PCDH15: variants seen among roughly 807,000 people sequenced by gnomAD.
PCDH15 encodes protocadherin-15.
Under a neutral mutation model 178.5 loss-of-function variants are expected in PCDH15, and 129 were observed. The observed-to-expected ratio is 0.72, with a 90% CI of 0.63 to 0.84. PCDH15 has a LOEUF of 0.84. PCDH15 is among the 40% of genes least tolerant of loss of function. The pLI is 0.00. For missense variants in PCDH15, 2,230 were observed against 2,099.9 expected (o/e 1.06, Z -1.21); for synonymous variants, 800 against 732.0 (o/e 1.09, Z -1.50).
At chr10:53,817,526 T>TC (rs2076107349) in intron 34 of PCDH15, among the ~76,000 whole-genome samples, 1 of 149,240 alleles carries the variant, frequency 6.7e-6, no homozygotes, top group Non-Finnish European at 1.5e-5. Flanking sequence ...CTTTTTTTTT[T>TC]CTTTTTTTTT....
At chr10:54,171,211 A>G (rs191480418) in intron 13 of PCDH15, among the ~76,000 whole-genome samples, 5,969 of 151,666 alleles carry the variant, frequency 0.039, 406 homozygotes, top group African/African-American at 0.14. Flanking sequence ...CAGGCTCTTA[A>G]TATTCAGTGA....
At chr10:54,697,798 T>A (rs1591124070) in intron 1 of PCDH15, among the ~76,000 whole-genome samples, 1 of 144,894 alleles carries the variant, frequency 6.9e-6, no homozygotes, top group East Asian at 2.1e-4. Context: ...GGAGGGAGAG[T>A]GAAAAAAAGA....
At chr10:54,018,834 GA>G (rs149313878) in intron 20 of PCDH15, among the ~76,000 whole-genome samples, 7,232 of 152,006 alleles carry the variant, frequency 0.048, 566 homozygotes, top group African/African-American at 0.16. Flanking sequence ...ATAGAAACTT[GA>G]TATCTATAGT....
At chr10:55,087,417 G>A (rs1842199616) in intron 2 of PCDH15, among the ~76,000 whole-genome samples, 1 of 152,182 alleles carries the variant, frequency 6.6e-6, no homozygotes, top group Non-Finnish European at 1.5e-5. Context: ...GAAATGTTTG[G>A]CTGATAAGCC....
At chr10:55,185,924 A>G (rs1839788120) in intron 1 of PCDH15, among the ~76,000 whole-genome samples, 1 of 151,734 alleles carries the variant, frequency 6.6e-6, no homozygotes, top group Non-Finnish European at 1.5e-5. Flanking sequence ...CAAAAATAGA[A>G]ATAGTTACGC....
At chr10:55,215,542 C>T (rs1840680240) in intron 1 of PCDH15, among the ~76,000 whole-genome samples, 1 of 152,042 alleles carries the variant, frequency 6.6e-6, no homozygotes, top group Non-Finnish European at 1.5e-5. Context: ...ATGAAAACAA[C>T]ACAGGTCACA....
At position 55,571,314 on chromosome 10, in the gene PCDH15, G is replaced by A. The variant is rs563845864; in HGVS notation, c.-156+56311C>T. ...TCTTATACAGCCTGTAGAACTGTGA[G>A]CTAAATAAACCCCTTATCTTTATAA... On this transcript the variant is annotated intron_variant, in intron 2 of 5. Transcript: ENST00000613346. 6.3e-4 allele frequency among the ~76,000 whole-genome samples: 96 copies of A among 152,090 alleles called. 1 individual carries two copies. The highest frequency in any genetic ancestry group is 2.1e-3 in the African/African-American group (89 of 41,498).
chr10:54,115,946 G>T (rs1168237069), intron 15 of PCDH15, among the ~76,000 whole-genome samples: 1 of 152,130 alleles, frequency 6.6e-6, no homozygotes, highest in African/African-American at 2.4e-5. Context: ...AAACTCATTA[G>T]ATCTGTTGAA....
At chr10:53,964,822 A>G (rs1008262470) in intron 21 of PCDH15, among the ~76,000 whole-genome samples, 1 of 152,144 alleles carries the variant, frequency 6.6e-6, no homozygotes, top group Non-Finnish European at 1.5e-5. Context: ...AATCATATAC[A>G]ATGGCAAACC....
At chr10:54,895,278 C>T (rs1414392858) in intron 3 of PCDH15, among the ~76,000 whole-genome samples, 1 of 152,026 alleles carries the variant, frequency 6.6e-6, no homozygotes. Flanking sequence ...GATTTACTGC[C>T]TCAGGGATTA....
At chr10:54,333,768 T>C (rs1940405378) in intron 6 of PCDH15, among the ~76,000 whole-genome samples, 1 of 152,168 alleles carries the variant, frequency 6.6e-6, no homozygotes, top group Non-Finnish European at 1.5e-5. Flanking sequence ...GAATCGGCAT[T>C]TTTAACAAAC....
At chr10:54,117,554 G>C (rs1365951455) in intron 15 of PCDH15, among the ~76,000 whole-genome samples, 1 of 152,142 alleles carries the variant, frequency 6.6e-6, no homozygotes, top group Admixed American at 6.5e-5. Context: ...CCAACCAGCA[G>C]GTCCTGAGTT....
intron 2 of PCDH15, among the ~76,000 whole-genome samples, chr10:55,598,543 T>TAGATAGATAG (rs1842987389): frequency 6.7e-5 from 3 of 44,952 alleles, no homozygotes; most frequent in Admixed American, 2.3e-4. Flanking sequence ...TATATATATA[T>TAGATAGATAG]ATATATATAT....
intron 2 of PCDH15, among the ~76,000 whole-genome samples, chr10:55,622,037 T>A (rs866025896): frequency 2.8e-5 from 4 of 141,740 alleles, no homozygotes; most frequent in East Asian, 3.9e-4. Flanking sequence ...TATGTATATA[T>A]AATATATATA....
chr10:54,838,048 C>A (rs1411716124), intron 3 of PCDH15, among the ~76,000 whole-genome samples: 1 of 151,876 alleles, frequency 6.6e-6, no homozygotes, highest in African/African-American at 2.4e-5. Flanking sequence ...AAGTATTCTA[C>A]ATACTTGTGC....
At chr10:55,206,231 T>A (rs1228134997) in intron 1 of PCDH15, among the ~76,000 whole-genome samples, 1 of 152,080 alleles carries the variant, frequency 6.6e-6, no homozygotes, top group Non-Finnish European at 1.5e-5. Context: ...ATATTGCAAA[T>A]TGCTTGGCAG....
intron 2 of PCDH15, among the ~76,000 whole-genome samples, chr10:55,054,917 A>G: frequency 6.6e-6 from 1 of 152,086 alleles, no homozygotes; most frequent in East Asian, 1.9e-4. Flanking sequence ...TTGATATTAC[A>G]CCTTTGCTGG....
intron 1 of PCDH15, among the ~76,000 whole-genome samples, chr10:55,242,218 A>G (rs1841562358): frequency 6.6e-6 from 1 of 152,088 alleles, no homozygotes; most frequent in African/African-American, 2.4e-5. Flanking sequence ...GTCAGTTCCT[A>G]TGGGTAGCTG....
At chr10:54,054,188 T>C (rs1433445822) in intron 18 of PCDH15, among the ~76,000 whole-genome samples, 2 of 152,166 alleles carry the variant, frequency 1.3e-5, no homozygotes, top group Admixed American at 6.5e-5. Context: ...TTTGAGGCTG[T>C]AGCTTAAAGG....
Sources: gnomAD v4.1 joint callset for allele counts (sites outside exome capture counted in the v4.1 genomes callset) on GRCh38, gnomAD v4.1.1 for gene constraint, MANE v1.5 for transcripts, NCBI Gene and HGNC (gene_info 2026-07-23, HGNC 2026-07-21) for gene names.